Variants in TRAF3IP2 observed in about 807,000 individuals in gnomAD.
The protein encoded by TRAF3IP2 is TRAF3 interacting protein 2, also known as E3 ubiquitin ligase TRAF3IP2.
TRAF3IP2 carries 35 observed loss-of-function variants against 57.9 expected under a neutral mutation model. That is an observed-to-expected ratio of 0.60 (90% confidence interval 0.46 to 0.80). The LOEUF is 0.80. Among genes scored for constraint, TRAF3IP2 ranks in the 30% least tolerant of loss-of-function variants. The pLI is 0.00. For synonymous variants in TRAF3IP2, 251 were observed against 268.9 expected (o/e 0.93, Z 0.65); for missense variants, 556 against 706.4 (o/e 0.79, Z 2.41).
intron 5 of TRAF3IP2, among the ~76,000 whole-genome samples, chr6:111,569,789 T>C (rs1272709322): frequency 6.6e-6 from 1 of 152,132 alleles, no homozygotes; most frequent in Admixed American, 6.6e-5. Flanking sequence ...ATAGTGATTA[T>C]TGTTATTATC....
chr6:111,565,793 C>T (rs1795617030), intron 7 of TRAF3IP2, among the ~76,000 whole-genome samples: 1 of 152,178 alleles, frequency 6.6e-6, no homozygotes, highest in Admixed American at 6.5e-5. Flanking sequence ...CCCATAGTTC[C>T]CCACCTGTCA....
rs1795329979 is a variant in TRAF3IP2 at position 111,558,801 on chromosome 6, G to C, written c.*604C>G. ...TTAAAAAGGGTTGTTTAACTAGCTG[G>C]CTTTAATCCATTAATACAGAGTGGT... On this transcript the variant is annotated 3_prime_UTR_variant, in exon 9 of 9. Transcript: ENST00000368761. 1 of 152,030 alleles carries C rather than the reference G, an allele frequency of 6.6e-6. No individual in the cohort carries two copies. Among genetic ancestry groups the C allele is most frequent in the East Asian group, 1.9e-4 (1 of 5,194 alleles). The allele number at this position is 152,030 out of a possible 1,614,324, so 9.4% of individuals were successfully genotyped here.
At chr6:111,561,746 A>C (rs1047215067) in intron 8 of TRAF3IP2, among the ~76,000 whole-genome samples, 9 of 152,128 alleles carry the variant, frequency 5.9e-5, no homozygotes, top group Admixed American at 1.3e-4. Flanking sequence ...TCAATGGGAA[A>C]ACGGCACAAA....
At chr6:111,584,428 C>T (rs1395601645) in intron 2 of TRAF3IP2, among the ~76,000 whole-genome samples, 1 of 152,152 alleles carries the variant, frequency 6.6e-6, no homozygotes, top group Non-Finnish European at 1.5e-5. Flanking sequence ...AACTGAGTAT[C>T]AGTGGATCAG....
At chr6:111,583,917 A>C (rs895998108) in intron 2 of TRAF3IP2, among the ~76,000 whole-genome samples, 5 of 152,218 alleles carry the variant, frequency 3.3e-5, no homozygotes, top group Non-Finnish European at 7.3e-5. Context: ...AGTAGGAAGG[A>C]GAAACACAAG....
chr6:111,588,700 A>G (rs745706698), intron 2 of TRAF3IP2, among the ~76,000 whole-genome samples: 5 of 152,222 alleles, frequency 3.3e-5, no homozygotes, highest in Admixed American at 6.5e-5. Context: ...GTTAATCGGA[A>G]GTGCAGTTAA....
chr6:111,569,649 AGGAGGCTCAGGC>A (rs1231631166), intron 5 of TRAF3IP2, among the ~76,000 whole-genome samples: 1 of 152,172 alleles, frequency 6.6e-6, no homozygotes, highest in Non-Finnish European at 1.5e-5. Context: ...CCAGTTACTC[AGGAGGCTCAGGC>A]AGGAAAATTG....
chr6:111,575,432 C>CA (rs1454919580), intron 4 of TRAF3IP2, among the ~76,000 whole-genome samples: 8 of 150,350 alleles, frequency 5.3e-5, no homozygotes, highest in Non-Finnish European at 1.0e-4. Context: ...ACTAAAAATA[C>CA]AAAAAATTAG....
intron 1 of TRAF3IP2, among the ~76,000 whole-genome samples, chr6:111,597,047 CG>C (rs1160399482): frequency 6.6e-6 from 1 of 152,130 alleles, no homozygotes; most frequent in African/African-American, 2.4e-5. Flanking sequence ...TCCATGTAGC[CG>C]GATCAGTGAC....
At chr6:111,595,800 C>G (rs1426955419) in intron 1 of TRAF3IP2, among the ~76,000 whole-genome samples, 3 of 150,564 alleles carry the variant, frequency 2.0e-5, no homozygotes, top group South Asian at 4.2e-4. Context: ...TGCACTCCAG[C>G]CTGGGTGACA....
intron 3 of TRAF3IP2, among the ~76,000 whole-genome samples, chr6:111,578,112 C>T (rs1002249047): frequency 9.2e-5 from 14 of 152,164 alleles, no homozygotes. Flanking sequence ...ACCAATTACT[C>T]TGTATTATCT....
chr6:111,563,024 T>G lies in TRAF3IP2; in HGVS notation c.1492A>C (p.Ile498Leu). ...CTGAAATTCATGCTTCCTTGTTTTA[T>G]GAACTCAATCTGCATCTGAAACCAA... ...YIHRMMQIEF[I>L]KQGSMNFRFI... The change falls in exon 8 of 9, where the codon ATA becomes CTA. Residue 498 changes from isoleucine (I) to leucine (L), a missense_variant. Coordinates refer to ENST00000368761, the MANE Select transcript of TRAF3IP2 (RefSeq NM_147686.4). 1 of 1,613,130 alleles carries G rather than the reference T, an allele frequency of 6.2e-7. No homozygotes were observed. Among genetic ancestry groups the G allele is most frequent in the Non-Finnish European group, 8.5e-7 (1 of 1,179,662 alleles).
In TRAF3IP2 at chr6:111,592,029, G is replaced by C. The variant is rs1356011905; in HGVS notation, c.58C>G (p.Leu20Val). 6.2e-7 allele frequency: 1 copy of C among 1,614,234 alleles called. No homozygotes were observed. The highest frequency in any genetic ancestry group is 8.5e-7 in the Non-Finnish European group (1 of 1,180,022). The change falls in exon 2 of 9, where the codon CTG becomes GTG. Residue 20 changes from leucine to valine, a missense_variant. By Grantham distance (32) the Leu-to-Val change is conservative (BLOSUM62 1). Transcript: ENST00000368761. ...DESEPYPSQL[L>V]KPIPEYSPEE... is the part of the protein sequence containing the mutation. Reference sequence around the variant, plus strand: ...GGGGAATATTCTGGGATTGGTTTCAGCAACTGACTTGGGTATGGTTCTGAT... The same window carrying C: ...GGGGAATATTCTGGGATTGGTTTCACCAACTGACTTGGGTATGGTTCTGAT...
chr6:111,577,405 C>A (rs1185821420), intron 3 of TRAF3IP2, among the ~76,000 whole-genome samples: 2 of 152,124 alleles, frequency 1.3e-5, no homozygotes, highest in East Asian at 1.9e-4. Flanking sequence ...TAGCTGGCTT[C>A]TTTTTTCTTT....
intron 1 of TRAF3IP2, among the ~76,000 whole-genome samples, chr6:111,604,716 C>T (rs937553867): frequency 2.0e-5 from 3 of 152,154 alleles, no homozygotes; most frequent in African/African-American, 4.8e-5. Context: ...GGGTGAGCAC[C>T]TACTAGGCAT....
At chr6:111,585,635 C>T (rs1354537329) in intron 2 of TRAF3IP2, among the ~76,000 whole-genome samples, 1 of 152,114 alleles carries the variant, frequency 6.6e-6, no homozygotes, top group East Asian at 1.9e-4. Context: ...AGTCGACAGC[C>T]ACCTACTTGA....
rs1796505063 is a variant in TRAF3IP2, at chr6:111,591,354, G to T, written c.733C>A (p.Pro245Thr). ...GGAGGCAGCATCTGTGCACATGCTG[G>T]ATACCTCTGAGGTTCAAACTGAGGG... Reference protein sequence around the residue: ...EFPQFEPQRYPACAQMLPPNL... With the variant: ...EFPQFEPQRYTACAQMLPPNL... Residue 245 changes from proline (P) to threonine (T), a missense_variant, in exon 2 of 9, where the codon CCA becomes ACA. Pro to Thr is a conservative substitution (Grantham distance 38). Coordinates refer to ENST00000368761, the MANE Select transcript of TRAF3IP2 (RefSeq NM_147686.4). This position sits in a 1 kb window ranked among gnomAD's most constrained non-coding sequence, Gnocchi z 4.9. 6.5e-7 allele frequency: 1 copy of T among 1,536,340 alleles called. No homozygotes were observed. Among genetic ancestry groups the T allele is most frequent in the Non-Finnish European group, 8.7e-7 (1 of 1,145,028 alleles).
intron 2 of TRAF3IP2, among the ~76,000 whole-genome samples, chr6:111,588,519 T>C (rs9487674): frequency 0.14 from 21,319 of 152,276 alleles, 1,744 homozygotes; most frequent in African/African-American, 0.23. Flanking sequence ...GGAAAAGTAT[T>C]TTCCGTGGGA....
chr6:111,597,819 T>A (rs1168071027), intron 1 of TRAF3IP2: 1 of 455,866 alleles, frequency 2.2e-6, no homozygotes, highest in African/African-American at 2.0e-5. Context: ...ATTTTTCTGT[T>A]TTTCCTTTTT....
Sources: gnomAD v4.1 joint callset for allele counts (sites outside exome capture counted in the v4.1 genomes callset) on GRCh38, gnomAD v4.1.1 for gene constraint, Gnocchi (gnomAD v3.1) non-coding constraint, MANE v1.5 for transcripts, NCBI Gene and HGNC (gene_info 2026-07-23, HGNC 2026-07-21) for gene names.